SLC27A6: variants seen among roughly 807,000 people sequenced by gnomAD.
The protein encoded by SLC27A6 is solute carrier family 27 member 6, also known as long-chain fatty acid transport protein 6.
Under a neutral mutation model 63.9 loss-of-function variants are expected in SLC27A6, and 74 were observed. The ratio of observed to expected loss-of-function variants is 1.16; its 90% CI spans 0.96 to 1.40. The LOEUF is 1.40. SLC27A6 is among the 40% of genes most tolerant of loss of function. SLC27A6 has a pLI of 0.00. For missense variants in SLC27A6, 794 were observed against 732.9 expected (o/e 1.08, Z -0.96); for synonymous variants, 287 against 260.8 (o/e 1.10, Z -0.97).
chr5:128,968,762 G>T (rs1272146502), intron 1 of SLC27A6, among the ~76,000 whole-genome samples: 2 of 151,896 alleles, frequency 1.3e-5, no homozygotes, highest in African/African-American at 2.4e-5. Flanking sequence ...AAGCTCTTTA[G>T]TTTAATTAGA....
intron 1 of SLC27A6, among the ~76,000 whole-genome samples, chr5:128,978,118 T>TCCCA (rs1750454226): frequency 6.6e-6 from 1 of 152,212 alleles, no homozygotes; most frequent in African/African-American, 2.4e-5. Context: ...TTTTGAGTCT[T>TCCCA]CAGACTGTGT....
At chr5:128,994,037 G>A (rs945631331) in intron 4 of SLC27A6, among the ~76,000 whole-genome samples, 3 of 151,922 alleles carry the variant, frequency 2.0e-5, no homozygotes, top group African/African-American at 7.3e-5. Context: ...GCGTGGTGGC[G>A]AGCACCTGTA....
At chr5:128,987,883 C>G (rs1382092380) in intron 2 of SLC27A6, among the ~76,000 whole-genome samples, 1 of 151,888 alleles carries the variant, frequency 6.6e-6, no homozygotes, top group Non-Finnish European at 1.5e-5. Context: ...ATTTTGTTTT[C>G]AAATTCAAAA....
intron 4 of SLC27A6, among the ~76,000 whole-genome samples, chr5:128,994,877 C>A (rs1341285039): frequency 6.6e-6 from 1 of 152,190 alleles, no homozygotes; most frequent in African/African-American, 2.4e-5. Context: ...GCACCCTATT[C>A]CCCACTGCTT....
In SLC27A6 at chr5:128,985,205, C is replaced by A. The variant is rs1561615174; in HGVS notation, c.554C>A (p.Ser185Tyr). ...ENISVWGMKDSVPQGVISLKE... is the reference protein window; with the variant it reads ...ENISVWGMKDYVPQGVISLKE... ...ATCAGTGTTTGGGGGATGAAAGATT[C>A]TGTTCCACAAGGTGTAATTTCACTC... Residue 185 changes from serine (S) to tyrosine (Y), a missense_variant, in exon 2 of 10, where the codon TCT (serine) becomes TAT (tyrosine). Physicochemically the swap from Ser to Tyr is moderately radical, Grantham distance 144. Coordinates refer to ENST00000262462, the MANE Select transcript of SLC27A6 (RefSeq NM_001017372.3). 2 of 1,613,832 alleles carry A rather than the reference C, an allele frequency of 1.2e-6. No homozygotes were observed. Among genetic ancestry groups the A allele is most frequent in the Admixed American group, 1.7e-5 (1 of 60,000 alleles).
chr5:128,970,507 A>C (rs1750105336), intron 1 of SLC27A6, among the ~76,000 whole-genome samples: 1 of 152,114 alleles, frequency 6.6e-6, no homozygotes, highest in Non-Finnish European at 1.5e-5. Context: ...GTGTCCAGGA[A>C]TTTATCCATT....
At chr5:129,020,048 A>T (rs1752024692) in intron 5 of SLC27A6, among the ~76,000 whole-genome samples, 1 of 152,140 alleles carries the variant, frequency 6.6e-6, no homozygotes. Context: ...CCAAAAGGAG[A>T]TTTTGAGGTA....
chr5:129,025,623 A>G (rs1368552657), intron 6 of SLC27A6, among the ~76,000 whole-genome samples: 2 of 152,126 alleles, frequency 1.3e-5, no homozygotes, highest in Admixed American at 1.3e-4. Flanking sequence ...AATCATGACT[A>G]TTATGCAAAA....
At chr5:129,004,846 C>A (rs1354107810) in intron 4 of SLC27A6, among the ~76,000 whole-genome samples, 1 of 152,066 alleles carries the variant, frequency 6.6e-6, no homozygotes, top group African/African-American at 2.4e-5. Context: ...CTAGATAGTC[C>A]AGGGTCACTT....
intron 4 of SLC27A6, among the ~76,000 whole-genome samples, chr5:129,002,009 C>T (rs951849301): frequency 1.3e-5 from 2 of 152,120 alleles, no homozygotes; most frequent in African/African-American, 4.8e-5. Context: ...TTTGAAGAAA[C>T]CAGAGTTTTG....
chr5:129,016,712 T>C (rs1428236108), intron 5 of SLC27A6, among the ~76,000 whole-genome samples: 1 of 152,204 alleles, frequency 6.6e-6, no homozygotes. Flanking sequence ...TTAATTTGAC[T>C]CTTTCCATTT....
Position 129,016,031 on chromosome 5 carries a change from C to T in SLC27A6, c.1116C>T (p.Asn372=). 1 of 1,603,128 alleles carries T rather than the reference C, an allele frequency of 6.2e-7. No homozygotes were observed. The highest frequency in any genetic ancestry group is 8.5e-7 in the Non-Finnish European group (1 of 1,177,128). ...AATESSISFM[N]YTGRIGAIGR... ...CCGAATCAAGCATATCTTTCATGAACTACACTGGGAGAATTGGAGCAATTG... is the reference window on the plus strand; with the variant it reads ...CCGAATCAAGCATATCTTTCATGAATTACACTGGGAGAATTGGAGCAATTG... The change falls in exon 5 of 10, where the codon AAC becomes AAT. Residue 372 remains asparagine (N), a synonymous_variant. Transcript: ENST00000262462.
chr5:129,006,467 G>GTT (rs1264891222), intron 4 of SLC27A6, among the ~76,000 whole-genome samples: 1 of 151,408 alleles, frequency 6.6e-6, no homozygotes, highest in African/African-American at 2.4e-5. Flanking sequence ...GTGTGTGTGT[G>GTT]TGTGTGTGTG....
At chr5:128,995,853 G>T (rs1181980) in intron 4 of SLC27A6, among the ~76,000 whole-genome samples, 116,453 of 151,960 alleles carry the variant, frequency 0.77, 45,461 homozygotes, top group East Asian at 0.99. Context: ...GAAAAAATTA[G>T]ACCACTTTGG....
intron 3 of SLC27A6, among the ~76,000 whole-genome samples, chr5:128,989,396 A>G (rs532759043): frequency 6.6e-6 from 1 of 152,346 alleles, no homozygotes; most frequent in South Asian, 2.1e-4. Flanking sequence ...GACCTCACAT[A>G]ATATACAAAC....
In SLC27A6 at chr5:128,995,762, G is replaced by T. The variant is rs538248004; in HGVS notation, c.969+5298G>T. 2.0e-4 allele frequency among the ~76,000 whole-genome samples: 30 copies of T among 152,296 alleles called. No homozygotes were observed. The South Asian group carries it at 6.0e-3, about 31-fold the overall frequency. On this transcript the variant is annotated intron_variant, in intron 4 of 9. Transcript: ENST00000262462. The stretch of plus-strand genomic sequence containing the variant: ...CCATCCATTGACTAGATCTTGTAGG[G>T]CTTGAATCTTTGTAATCTTGGAGGA...
At position 128,985,149 on chromosome 5, in the gene SLC27A6, A is replaced by T; in HGVS notation, c.498A>T (p.Val166=). Residue 166 remains valine (V), a synonymous_variant, in exon 2 of 10, where the codon GTA becomes GTT. Transcript: ENST00000262462. The part of the protein sequence containing the change: ...LVVGADLLGT[V]EEILPSLSEN... ...GGCTTTTAGATTTGCTTGGAACGGT[A>T]GAAGAAATCCTTCCAAGCCTCTCAG... 6.2e-7 allele frequency: 1 copy of T among 1,613,380 alleles called. No individual in the cohort carries two copies. Among genetic ancestry groups the T allele is most frequent in the Non-Finnish European group, 8.5e-7 (1 of 1,179,638 alleles).
chr5:129,024,415 T>C (rs1193463155), intron 6 of SLC27A6, among the ~76,000 whole-genome samples: 4 of 152,186 alleles, frequency 2.6e-5, no homozygotes, highest in Non-Finnish European at 4.4e-5. Context: ...GGTGCAACTT[T>C]AGACAGATTA....
rs1751200198 is a variant in SLC27A6 at position 128,997,552 on chromosome 5, AGT to A, written c.969+7091_969+7092del. ...ACACAGGAATTTGTGAATATTTTGG[AGT>A]GTTTTAGAACTATGTGTATATATTA... On this transcript the variant is annotated intron_variant, in intron 4 of 9. Transcript: ENST00000262462. 2.0e-5 allele frequency among the ~76,000 whole-genome samples: 3 copies of A among 152,182 alleles called. No individual in the cohort carries two copies. The South Asian group carries it at 6.2e-4, about 31-fold the overall frequency.
Sources: gnomAD v4.1 joint callset for allele counts (sites outside exome capture counted in the v4.1 genomes callset) on GRCh38, gnomAD v4.1.1 for gene constraint, MANE v1.5 for transcripts, NCBI Gene and HGNC (gene_info 2026-07-23, HGNC 2026-07-21) for gene names.